Variants in DHX8 observed in about 807,000 individuals in gnomAD.
DHX8 encodes DEAH-box helicase 8, also known as ATP-dependent RNA helicase DHX8.
In DHX8, 67 loss-of-function variants were observed where a neutral mutation model predicts 140.7. That is an observed-to-expected ratio of 0.48 (90% CI 0.39 to 0.58). The LOEUF (loss-of-function observed/expected upper bound fraction) is 0.58. Ranked by LOEUF, DHX8 falls within the 20% of genes least tolerant of loss-of-function variation. The pLI is 0.00. For synonymous variants in DHX8, 533 were observed against 553.2 expected (o/e 0.96, Z 0.51); for missense variants, 887 against 1,550.7 (o/e 0.57, Z 7.19).
chr17:43,484,468 CAACAACAGCAGCAGA>C (rs1968007424), intron 1 of DHX8, among the ~76,000 whole-genome samples: 5 of 152,114 alleles, frequency 3.3e-5, no homozygotes, highest in African/African-American at 1.2e-4. Flanking sequence ...ACATGTTTAA[CAACAACAGCAGCAGA>C]TGCTGCGATG....
At chr17:43,497,186 G>A (rs1755325272) in intron 9 of DHX8, among the ~76,000 whole-genome samples, 1 of 151,504 alleles carries the variant, frequency 6.6e-6, no homozygotes, top group Non-Finnish European at 1.5e-5. Context: ...ATTATATTGT[G>A]TTGTCTATTT....
At chr17:43,528,785 C>A, downstream of DHX8, 1 of 1,566,842 alleles carries the variant, frequency 6.4e-7, no homozygotes, top group Non-Finnish European at 8.8e-7. Flanking sequence ...GCTAGCCGCC[C>A]AGCCTTTGTA....
chr17:43,540,974 C>T (rs969162053), intron 3 of DHX8, among the ~76,000 whole-genome samples: 3 of 152,172 alleles, frequency 2.0e-5, no homozygotes, highest in Non-Finnish European at 2.9e-5. Flanking sequence ...GTATCTCTTG[C>T]TGGCGTCACT....
chr17:43,526,696 T>C, downstream of DHX8: 1 of 1,493,350 alleles, frequency 6.7e-7, no homozygotes, highest in Non-Finnish European at 8.9e-7. Flanking sequence ...TCTTCGTGTG[T>C]GTACTCGGCC....
rs754535968 is a variant in DHX8, at chr17:43,489,460, A to G, written c.160A>G (p.Ile54Val). The G allele has an allele frequency of 3.7e-6, 6 of 1,605,904 alleles. No individual in the cohort carries two copies. In the Admixed American group the frequency reaches 1.0e-4, roughly 27 times the overall value. Reference protein sequence around the residue: ...INDKDLAEFVISLAEKNTTFD... With the variant: ...INDKDLAEFVVSLAEKNTTFD... Reference sequence around the variant, plus strand: ...TTTCTTATTTGCAGCTGAATTTGTGATCAGTCTTGCTGAGAAAAATACCAC... The same window carrying G: ...TTTCTTATTTGCAGCTGAATTTGTGGTCAGTCTTGCTGAGAAAAATACCAC... The change falls in exon 2 of 23, where the codon ATC becomes GTC. Residue 54 changes from isoleucine (I) to valine (V), a missense_variant. Ile to Val is a conservative substitution (Grantham distance 29, BLOSUM62 3). Around this residue, in one of 9 missense-constraint regions of DHX8, gnomAD observed 304 missense variants for 306.9 expected, o/e 0.99. Transcript: ENST00000262415.
At chr17:43,505,928 G>A (rs1183589325) in intron 12 of DHX8, among the ~76,000 whole-genome samples, 1 of 152,006 alleles carries the variant, frequency 6.6e-6, no homozygotes, top group Non-Finnish European at 1.5e-5. Flanking sequence ...TACTGTGTGT[G>A]TTTACAGGTG....
intron 2 of DHX8, chr17:43,532,914 T>A: frequency 6.3e-7 from 1 of 1,583,996 alleles, no homozygotes; most frequent in Non-Finnish European, 8.6e-7. Context: ...GAGTGGCAAA[T>A]GTCCAGGGGC....
chr17:43,519,562 G>A (rs1970272734), intron 18 of DHX8: 1 of 150,312 alleles, frequency 6.7e-6, no homozygotes, highest in Non-Finnish European at 1.5e-5. Flanking sequence ...ATGTTGCCTA[G>A]GCTGGTCTCA....
Position 43,493,697 on chromosome 17 carries a change from G to GACTGGAGAAGATCTAA in DHX8, c.1026_1041dup (p.Pro348TrpfsTer8). On this transcript the variant is annotated frameshift_variant, in exon 8 of 23. Coordinates refer to ENST00000262415, the MANE Select transcript of DHX8 (RefSeq NM_004941.3). LOFTEE classifies it high-confidence loss of function. The stretch of plus-strand genomic sequence containing the variant: ...TTGTGCCTTAGGATGTGGATCAAGA[G>GACTGGAGAAGATCTAA]ACTGGAGAAGATCTAAACCCAAATA... 1 of 1,614,218 alleles carries GACTGGAGAAGATCTAA rather than the reference G, an allele frequency of 6.2e-7. No homozygotes were observed. Among genetic ancestry groups the GACTGGAGAAGATCTAA allele is most frequent in the Non-Finnish European group, 8.5e-7 (1 of 1,180,036 alleles).
At chr17:43,530,169 C>T (rs971572480), downstream of DHX8, 7 of 1,555,832 alleles carry the variant, frequency 4.5e-6, no homozygotes, top group Admixed American at 2.0e-5. Flanking sequence ...CATTGATGCG[C>T]ACCCGGTGAC....
chr17:43,488,016 A>C (rs1011384761), intron 1 of DHX8, among the ~76,000 whole-genome samples: 8 of 152,036 alleles, frequency 5.3e-5, no homozygotes, highest in Admixed American at 5.2e-4. Flanking sequence ...GCGGTGGCTC[A>C]TGACTGTAAT....
rs771901734 is a variant in DHX8, at chr17:43,520,792, C to G, written c.2979C>G (p.Leu993=). The G allele has an allele frequency of 1.9e-5, 30 of 1,613,888 alleles. No homozygotes were observed. The highest frequency in any genetic ancestry group is 2.5e-5 in the Non-Finnish European group (29 of 1,180,002). Residue 993 remains leucine, a synonymous_variant, in exon 20 of 23, where the codon CTC becomes CTG. Coordinates refer to ENST00000262415, the MANE Select transcript of DHX8 (RefSeq NM_004941.3). The part of the protein sequence containing the change: ...FPLEPMLCKM[L]IMSVHLGCSE... The stretch of plus-strand genomic sequence containing the variant: ...TGGAGCCAATGCTATGCAAAATGCT[C>G]ATCATGTCTGTGCATCTGGGCTGCA...
intron 21 of DHX8, 127 bp downstream of exon 21, chr17:43,521,692 C>G: frequency 1.1e-6 from 1 of 916,168 alleles, no homozygotes; most frequent in Non-Finnish European, 1.6e-6. Context: ...AACCCTTTTC[C>G]TCCAGCTTTT....
chr17:43,508,356 C>T lies in DHX8; in HGVS notation c.2338C>T (p.Leu780=). The part of the protein sequence containing the change: ...TEPPGDILVF[L]TGQEEIDTAC... Reference sequence around the variant, plus strand: ...GCTCGTAGGTGATATCCTGGTCTTCCTGACTGGTCAGGAAGAAATTGATAC... The same window carrying T: ...GCTCGTAGGTGATATCCTGGTCTTCTTGACTGGTCAGGAAGAAATTGATAC... Residue 780 remains leucine (L), a synonymous_variant, in exon 16 of 23, where the codon CTG becomes TTG. Coordinates refer to ENST00000262415, the MANE Select transcript of DHX8 (RefSeq NM_004941.3). The T allele has an allele frequency of 6.2e-7, 1 of 1,612,526 alleles. No individual in the cohort carries two copies.
At chr17:43,526,664 G>A (rs1043417201), downstream of DHX8, 11 of 1,526,772 alleles carry the variant, frequency 7.2e-6, no homozygotes, top group African/African-American at 1.5e-4. Flanking sequence ...CCTGGATGCT[G>A]CTTCTCAGCT....
At position 43,507,517 on chromosome 17, in the gene DHX8, T is replaced by C. The variant is rs1283080137; in HGVS notation, c.1938T>C (p.Ile646=). ...CCLGQEVGYT[I]RFEDCTSPET... ...TTCTGCTTTAGGTGGGCTACACCAT[T>C]CGATTTGAGGACTGCACTAGCCCTG... Residue 646 remains isoleucine, a synonymous_variant, in exon 14 of 23, where the codon ATT becomes ATC. Transcript: ENST00000262415. 1 of 1,613,864 alleles carries C rather than the reference T, an allele frequency of 6.2e-7. No homozygotes were observed. Among genetic ancestry groups the C allele is most frequent in the Admixed American group, 1.7e-5 (1 of 59,978 alleles).
At chr17:43,507,760 G>T (rs1349412637) in intron 14 of DHX8, 49 bp from the exon 15 acceptor site, 13 of 1,612,106 alleles carry the variant, frequency 8.1e-6, no homozygotes, top group Non-Finnish European at 1.1e-5. Flanking sequence ...TTGAGTACCT[G>T]TGTCTTTGGG....
downstream of DHX8, chr17:43,529,966 T>C (rs776189308): frequency 1.2e-5 from 20 of 1,613,968 alleles, no homozygotes; most frequent in South Asian, 1.1e-4. Context: ...GTGGAGGAAA[T>C]TGGGGGTTGC....
intron 12 of DHX8, 152 bp downstream of exon 12, chr17:43,504,977 TA>T (rs1969406770): frequency 1.3e-6 from 1 of 785,956 alleles, no homozygotes; most frequent in South Asian, 2.1e-5. Context: ...ACTTTCTAAA[TA>T]CTTTTTTTTT....
Sources: allele counts gnomAD v4.1 joint callset (sites outside exome capture counted in the v4.1 genomes callset), GRCh38; gene constraint gnomAD v4.1.1; regional missense constraint gnomAD v4.1.1; transcripts MANE v1.5; gene names NCBI Gene and HGNC (gene_info 2026-07-23, HGNC 2026-07-21).